TTN: variants seen among roughly 807,000 people sequenced by gnomAD.
The protein encoded by TTN is connectin.
TTN carries 1,525 observed loss-of-function variants against 3,223.0 expected under a neutral mutation model. The ratio of observed to expected loss-of-function variants is 0.47; its 90% CI spans 0.45 to 0.49. The LOEUF is 0.49. Among genes scored for constraint, TTN ranks in the 20% least tolerant of loss-of-function variants. TTN has a pLI of 0.00. For synonymous variants in TTN, 14,094 were observed against 15,161.0 expected (o/e 0.93, Z 5.17); for missense variants, 40,786 against 43,424.0 (o/e 0.94, Z 5.40).
chr2:178,681,761 T>C, intron 135 of TTN, 23 bp from the exon 136 acceptor site: 2 of 1,549,032 alleles, frequency 1.3e-6, no homozygotes, highest in Non-Finnish European at 1.7e-6. Context: ...ATACAAGGTA[T>C]TTCATGTTAG....
At chr2:178,680,423 G>T in intron 138 of TTN, 92 bp from the exon 139 acceptor site, 1 of 1,028,184 alleles carries the variant, frequency 9.7e-7, no homozygotes, top group Non-Finnish European at 1.5e-6. Context: ...ATAGAATAAT[G>T]TATCTTCCTT....
In TTN at chr2:178,702,515, G is replaced by T. The variant is rs1163704372; in HGVS notation, c.30372C>A (p.Asn10124Lys). 1.2e-6 allele frequency: 2 copies of T among 1,613,824 alleles called. No individual in the cohort carries two copies. Among genetic ancestry groups the T allele is most frequent in the African/African-American group, 1.3e-5 (1 of 74,894 alleles). Residue 10124 changes from asparagine to lysine, a missense_variant, in exon 107 of 363, where the codon AAC becomes AAA. Coordinates refer to ENST00000589042, the MANE Select transcript of TTN (RefSeq NM_001267550.2). Reference protein sequence around the residue: ...PTELTESQKYNFRNDGRCHYM... With the variant: ...PTELTESQKYKFRNDGRCHYM... ...AATGGCAGCGGCCATCATTCCTGAAGTTGTATTTCTGGCTCTCTGTCAGTT... is the reference window on the plus strand; with the variant it reads ...AATGGCAGCGGCCATCATTCCTGAATTTGTATTTCTGGCTCTCTGTCAGTT...
At chr2:178,751,784 T>C (rs750663116) in intron 47 of TTN, 2 of 1,613,082 alleles carry the variant, frequency 1.2e-6, no homozygotes, top group Non-Finnish European at 8.5e-7. Context: ...CCGATTGTTA[T>C]GAAACCAAGT....
chr2:178,801,894 C>G (rs2094084313), intron 3 of TTN, among the ~76,000 whole-genome samples: 1 of 152,172 alleles, frequency 6.6e-6, no homozygotes, highest in Admixed American at 6.5e-5. Flanking sequence ...CCTTAACATA[C>G]TTTTGAGTGT....
rs1308696269 is a variant in TTN, at chr2:178,785,663, G to A, written c.2450C>T (p.Thr817Ile). ...KRPRTASPHF[T>I]VSKISVPKTE... ...CTTAGGAACAGAAATTTTTGAAACAGTAAAGTGAGGGCTAGCTGTGCGGGG... is the reference window on the plus strand; with the variant it reads ...CTTAGGAACAGAAATTTTTGAAACAATAAAGTGAGGGCTAGCTGTGCGGGG... Residue 817 changes from threonine (T) to isoleucine (I), a missense_variant, in exon 15 of 363, where the codon ACT becomes ATT. Physicochemically the swap from Thr to Ile is moderately conservative, Grantham distance 89 (BLOSUM62 -1). Coordinates refer to ENST00000589042, the MANE Select transcript of TTN (RefSeq NM_001267550.2). 1 of 1,614,126 alleles carries A rather than the reference G, an allele frequency of 6.2e-7. No individual in the cohort carries two copies. The highest frequency in any genetic ancestry group is 1.7e-5 in the Admixed American group (1 of 60,026).
chr2:178,745,399 A>T (rs2083301135), intron 47 of TTN: 19 of 1,430,442 alleles, frequency 1.3e-5, no homozygotes, highest in Non-Finnish European at 1.7e-5. Context: ...AGTTCAGATA[A>T]CAAAATATTT....
rs1407338047 is a variant in TTN, at chr2:178,589,722, C to T, written c.62003G>A (p.Arg20668Lys). The T allele has an allele frequency of 6.2e-6, 10 of 1,613,542 alleles. No homozygotes were observed. Among genetic ancestry groups the T allele is most frequent in the Non-Finnish European group, 8.5e-6 (10 of 1,179,608 alleles). The change falls in exon 304 of 363, where the codon AGA becomes AAA. Residue 20668 changes from arginine (R) to lysine (K), a missense_variant. Coordinates refer to ENST00000589042, the MANE Select transcript of TTN (RefSeq NM_001267550.2). ...TPILAINPIDRPGEPENLHIA... is the reference protein window; with the variant it reads ...TPILAINPIDKPGEPENLHIA... Reference sequence around the variant, plus strand: ...GTGAAGGTTTTCAGGCTCACCTGGTCTGTCAATAGGGTTAATAGCCAGAAT... The same window carrying T: ...GTGAAGGTTTTCAGGCTCACCTGGTTTGTCAATAGGGTTAATAGCCAGAAT...
Position 178,782,876 on chromosome 2 carries a change from G to A in TTN, c.3030C>T (p.Ser1010=), listed in dbSNP as rs374346637. 2.6e-5 allele frequency: 42 copies of A among 1,613,876 alleles called. No individual in the cohort carries two copies. The highest frequency in any genetic ancestry group is 5.3e-5 in the African/African-American group (4 of 74,910). The change falls in exon 18 of 363, where the codon AGC becomes AGT. Residue 1010 remains serine (S), a synonymous_variant. Transcript: ENST00000589042. ...LMIREAFAED[S]GRFTCSAVNE... ...TTACAGCACTGCAAGTAAATCGCCC[G>A]CTGTCTTCCGCAAATGCTTCGCGAA...
chr2:178,597,373 AAAGT>A (rs2051986105), intron 294 of TTN, among the ~76,000 whole-genome samples, 161 bp downstream of exon 294: 1 of 152,114 alleles, frequency 6.6e-6, no homozygotes, highest in East Asian at 1.9e-4. Context: ...ATAGAATAAA[AAAGT>A]AAGGAGGAAA....
At chr2:178,691,971 T>C in intron 121 of TTN, 45 bp downstream of exon 121, 3 of 1,537,098 alleles carry the variant, frequency 2.0e-6, no homozygotes, top group Non-Finnish European at 2.7e-6. Context: ...AGCAAAAGGC[T>C]GGCACTTGGA....
rs371457758 is a variant in TTN at position 178,604,282 on chromosome 2, A to G, written c.54405T>C (p.Gly18135=). 2 of 1,488,004 alleles carry G rather than the reference A, an allele frequency of 1.3e-6. No homozygotes were observed. Among genetic ancestry groups the G allele is most frequent in the African/African-American group, 1.4e-5 (1 of 70,956 alleles). The allele number at this position is 1,488,004 out of a possible 1,614,324, so 92.2% of individuals were successfully genotyped here. A position where few individuals can be genotyped will look rare whatever the true frequency, so the allele number is the denominator to read the frequency against. Residue 18135 remains glycine, a synonymous_variant, in exon 282 of 363, where the codon GGT becomes GGC. Transcript: ENST00000589042. ...RYGIWKLIPN[G]QYEFRVRAVN... ...CTGCCCTGACTCGGAACTCATACTG[A>G]CCATTGGGGATAAGTTTCCAGATCT...
intron 215 of TTN, 36 bp from the exon 216 acceptor site, chr2:178,646,595 A>G (rs2062038823): frequency 3.0e-6 from 4 of 1,323,630 alleles, no homozygotes; most frequent in African/African-American, 1.5e-5. Context: ...TGAGGTTGCA[A>G]TGTAAAGTTC....
At position 178,538,968 on chromosome 2, in the gene TTN, T is replaced by C; in HGVS notation, c.98967A>G (p.Pro32989=). ...GLSETSPASE[P]VVCKDPFDKP... ...TACCAAATGGATCTTTGCAAACAAC[T>C]GGTTCAGAAGCAGGGCTGGTCTCAC... The change falls in exon 353 of 363, where the codon CCA becomes CCG. Residue 32989 remains proline (P), a synonymous_variant. Transcript: ENST00000589042. 1 of 1,608,696 alleles carries C rather than the reference T, an allele frequency of 6.2e-7. No individual in the cohort carries two copies. The highest frequency in any genetic ancestry group is 8.5e-7 in the Non-Finnish European group (1 of 1,175,608).
In TTN at chr2:178,682,655, C is replaced by T. The variant is rs566620715; in HGVS notation, c.33094+42G>A. The T allele has an allele frequency of 6.9e-5, 104 of 1,513,742 alleles. No homozygotes were observed. In the South Asian group the frequency reaches 1.0e-3, roughly 15 times the overall value. The allele number at this position is 1,513,742 out of a possible 1,614,324, so 93.8% of individuals were successfully genotyped here. ...TCTTGTTTTATCTTGTTTGAGTGTGCACATATTTAGTGTGGTTTTGAGTTT... is the reference window on the plus strand; with the variant it reads ...TCTTGTTTTATCTTGTTTGAGTGTGTACATATTTAGTGTGGTTTTGAGTTT... On this transcript the variant is annotated intron_variant, in intron 135 of 362. Coordinates refer to ENST00000589042, the MANE Select transcript of TTN (RefSeq NM_001267550.2).
In TTN at chr2:178,773,668, A is replaced by T. The variant is rs755393409; in HGVS notation, c.7388T>A (p.Val2463Glu). 1 of 1,614,086 alleles carries T rather than the reference A, an allele frequency of 6.2e-7. No homozygotes were observed. The highest frequency in any genetic ancestry group is 8.5e-7 in the Non-Finnish European group (1 of 1,179,970). Reference sequence around the variant, plus strand: ...AGGGACTGACACCTTACATTCAAGCACAGCCTTGGTGCCTTCAATCACATT... The same window carrying T: ...AGGGACTGACACCTTACATTCAAGCTCAGCCTTGGTGCCTTCAATCACATT... ...DVNVIEGTKA[V>E]LECKVSVPDV... Residue 2463 changes from valine to glutamate, a missense_variant, in exon 32 of 363, where the codon GTG becomes GAG. By Grantham distance (121) the Val-to-Glu change is moderately radical. Transcript: ENST00000589042.
rs1406870908 is a variant in TTN at position 178,610,223 on chromosome 2, C to T, written c.51303G>A (p.Glu17101=). The T allele has an allele frequency of 5.6e-6, 9 of 1,612,872 alleles. No homozygotes were observed. The highest frequency in any genetic ancestry group is 1.3e-5 in the African/African-American group (1 of 74,824). The part of the protein sequence containing the change: ...RRTYIPVMSG[E]NKLSWTVKDL... Reference sequence around the variant, plus strand: ...CCTTCACAGTCCATGACAGTTTGTTCTCACCAGACATGACTGGTATATATG... The same window carrying T: ...CCTTCACAGTCCATGACAGTTTGTTTTCACCAGACATGACTGGTATATATG... Residue 17101 remains glutamate, a synonymous_variant, in exon 271 of 363, where the codon GAG becomes GAA. Coordinates refer to ENST00000589042, the MANE Select transcript of TTN (RefSeq NM_001267550.2).
In TTN at chr2:178,620,989, T is replaced by C. The variant is rs2058174651; in HGVS notation, c.45621A>G (p.Lys15207=). 6.2e-7 allele frequency: 1 copy of C among 1,609,052 alleles called. No homozygotes were observed. The highest frequency in any genetic ancestry group is 1.3e-5 in the African/African-American group (1 of 74,482). Residue 15207 remains lysine (K), a synonymous_variant, in exon 247 of 363, where the codon AAA becomes AAG. Coordinates refer to ENST00000589042, the MANE Select transcript of TTN (RefSeq NM_001267550.2). ...CCTTAAGAGGAACTACGATCCTGAG[T>C]TTTTCTGAAAGCAACCGACAAGACT... ...RAAAHLTVIE[K]LRIVVPLKDT... is the part of the protein sequence containing the mutation.
Position 178,599,379 on chromosome 2 carries a change from G to T in TTN, c.56414C>A (p.Ser18805Tyr). 1 of 1,595,660 alleles carries T rather than the reference G, an allele frequency of 6.3e-7. No homozygotes were observed. ...ACCATCATCTTTAGGTGGAAACCAA[G>T]ATAGTGTCATTTGATCTGCTGAAAC... is the stretch of plus-strand genomic sequence containing the variant. Reference protein sequence around the residue: ...ESVSADQMTLSWFPPKDDGGS... With the variant: ...ESVSADQMTLYWFPPKDDGGS... Residue 18805 changes from serine (S) to tyrosine (Y), a missense_variant, in exon 290 of 363, where the codon TCT becomes TAT. By Grantham distance (144) the Ser-to-Tyr change is moderately radical. Transcript: ENST00000589042.
At position 178,740,156 on chromosome 2, in the gene TTN, A is replaced by G. The variant is rs749925202; in HGVS notation, c.13077T>C (p.Ser4359=). The change falls in exon 48 of 363, where the codon TCT becomes TCC. Residue 4359 remains serine (S), a synonymous_variant. Transcript: ENST00000589042. ...VVMPPDQIIE[S]KREPVAIKKV... is the part of the protein sequence containing the mutation. The stretch of plus-strand genomic sequence containing the variant: ...TCTTTATTGCCACGGGCTCTCTTTT[A>G]GACTCAATGATTTGGTCTGGGGGCA... 2.2e-5 allele frequency: 36 copies of G among 1,613,658 alleles called. No individual in the cohort carries two copies. In the East Asian group the frequency reaches 6.2e-4, roughly 28 times the overall value.
Sources: allele counts gnomAD v4.1 joint callset (sites outside exome capture counted in the v4.1 genomes callset), GRCh38; gene constraint gnomAD v4.1.1; transcripts MANE v1.5; gene names NCBI Gene and HGNC (gene_info 2026-07-23, HGNC 2026-07-21).